The following PRKCA variants were observed in gnomAD, a reference collection of about 807,000 sequenced individuals.
PRKCA encodes protein kinase C alpha.
Under a neutral mutation model 87.0 loss-of-function variants are expected in PRKCA, and 27 were observed. That is an observed-to-expected ratio of 0.31 (90% CI 0.23 to 0.43). The LOEUF is 0.43. Among genes scored for constraint, PRKCA ranks in the 20% least tolerant of loss-of-function variants. The probability of loss-of-function intolerance (pLI) is 1.00; values close to 1 mark genes in which losing one functional copy is unlikely to be tolerated. For synonymous variants in PRKCA, 329 were observed against 311.1 expected, an observed-to-expected ratio of 1.06 and a Z score of -0.61; for missense variants, 518 against 852.3, an observed-to-expected ratio of 0.61 and a Z score of 4.88.
At chr17:66,530,682 G>A (rs1328824600) in intron 3 of PRKCA, among the ~76,000 whole-genome samples, 2 of 152,136 alleles carry the variant, frequency 1.3e-5, no homozygotes, top group Non-Finnish European at 2.9e-5. Flanking sequence ...TGAGGGAAAA[G>A]GGTGGCTCAC....
chr17:66,705,676 C>T (rs1307810755), intron 8 of PRKCA, among the ~76,000 whole-genome samples: 5 of 152,104 alleles, frequency 3.3e-5, no homozygotes, highest in Non-Finnish European at 7.4e-5. Context: ...TCCCCAGGCC[C>T]TGGTACCCAC....
At chr17:66,459,834 AT>A (rs1914766042) in intron 2 of PRKCA, among the ~76,000 whole-genome samples, 2 of 151,896 alleles carry the variant, frequency 1.3e-5, no homozygotes, top group East Asian at 1.9e-4. Flanking sequence ...TTTTATTTTT[AT>A]TTTTATTTTT....
chr17:66,634,291 T>C (rs1971096851), intron 3 of PRKCA, among the ~76,000 whole-genome samples: 1 of 152,174 alleles, frequency 6.6e-6, no homozygotes, highest in South Asian at 2.1e-4. Context: ...AAGCCTTCAT[T>C]TTTTTCTCCC....
chr17:66,304,520 G>A (rs974211403), intron 1 of PRKCA, among the ~76,000 whole-genome samples: 5 of 152,152 alleles, frequency 3.3e-5, no homozygotes, highest in Admixed American at 6.5e-5. Flanking sequence ...GCTGCACAGG[G>A]TGGCAGTCAC....
rs117963607 is a variant in PRKCA at position 66,697,043 on chromosome 17, A to T, written c.918+7996A>T. Among the ~76,000 whole-genome samples the T allele has an allele frequency of 2.0e-3, 312 of 152,240 alleles. 9 individuals are homozygous for T. The East Asian group carries it at 0.054, about 27-fold the overall frequency. ...TTAATCTGATTTTCCCCAGTCATAG[A>T]CCATCGTCATCACACCTCGCCTGTC... On this transcript the variant is annotated intron_variant, in intron 8 of 16. Transcript: ENST00000413366.
At chr17:66,713,962 C>T (rs566545981) in intron 8 of PRKCA, among the ~76,000 whole-genome samples, 10 of 152,202 alleles carry the variant, frequency 6.6e-5, no homozygotes, top group Non-Finnish European at 1.0e-4. Flanking sequence ...TAGGGGTATT[C>T]GTTTTGTGAC....
intron 2 of PRKCA, among the ~76,000 whole-genome samples, chr17:66,487,502 G>A (rs368688403): frequency 9.2e-5 from 14 of 152,262 alleles, no homozygotes; most frequent in African/African-American, 2.4e-4. Context: ...ATGTCTCATC[G>A]GTAGACTGAT....
chr17:66,467,618 C>T (rs1915141619), intron 2 of PRKCA, among the ~76,000 whole-genome samples: 1 of 152,190 alleles, frequency 6.6e-6, no homozygotes, highest in African/African-American at 2.4e-5. Context: ...AGTGCAGTGG[C>T]ACCATCTTGG....
At chr17:66,802,767 C>A (rs1450221696) in intron 16 of PRKCA, among the ~76,000 whole-genome samples, 2 of 152,220 alleles carry the variant, frequency 1.3e-5, no homozygotes, top group Admixed American at 6.5e-5. Flanking sequence ...GTGGACCCCA[C>A]TTCACAGTTA....
chr17:66,457,045 C>T (rs1914605606), intron 2 of PRKCA, among the ~76,000 whole-genome samples: 1 of 152,098 alleles, frequency 6.6e-6, no homozygotes, highest in Admixed American at 6.6e-5. Flanking sequence ...GCTGTGTGGC[C>T]ATGGGAGGGT....
At chr17:66,440,084 G>A (rs1270569790) in intron 2 of PRKCA, among the ~76,000 whole-genome samples, 2 of 152,188 alleles carry the variant, frequency 1.3e-5, no homozygotes, top group East Asian at 1.9e-4. Context: ...GTTGCTTACT[G>A]TAGGCTTTGA....
rs764698470 is a variant in PRKCA, at chr17:66,735,634, C to T, written c.1202C>T (p.Thr401Met). 7 of 1,613,998 alleles carry T rather than the reference C, an allele frequency of 4.3e-6. No individual in the cohort carries two copies. The highest frequency in any genetic ancestry group is 2.2e-5 in the South Asian group (2 of 91,076). ...LALLDKPPFL[T>M]QLHSCFQTVD... ...CTGCTTGACAAACCCCCGTTCTTGA[C>T]GCAGCTGCACTCCTGCTTCCAGACA... The change falls in exon 10 of 17, where the codon ACG becomes ATG. Residue 401 changes from threonine (T) to methionine (M), a missense_variant. Thr to Met is a moderately conservative substitution (Grantham distance 81). Coordinates refer to ENST00000413366, the MANE Select transcript of PRKCA (RefSeq NM_002737.3).
At chr17:66,781,141 G>C (rs943556093) in intron 14 of PRKCA, among the ~76,000 whole-genome samples, 1 of 152,136 alleles carries the variant, frequency 6.6e-6, no homozygotes, top group East Asian at 1.9e-4. Context: ...GCTCCAGGGA[G>C]CTTTTCTGAA....
chr17:66,467,291 G>A (rs947603718), intron 2 of PRKCA, among the ~76,000 whole-genome samples: 2 of 152,148 alleles, frequency 1.3e-5, no homozygotes, highest in African/African-American at 2.4e-5. Flanking sequence ...GATGTCAGCT[G>A]TACTCTCATT....
At chr17:66,500,710 C>T (rs72842170) in intron 3 of PRKCA, among the ~76,000 whole-genome samples, 21,252 of 152,156 alleles carry the variant, frequency 0.14, 1,792 homozygotes, top group East Asian at 0.3. Context: ...ACATTGACAG[C>T]TATTCCTTGG....
At chr17:66,777,817 A>C (rs2144347896) in intron 14 of PRKCA, 1 of 985,252 alleles carries the variant, frequency 1.0e-6, no homozygotes, top group South Asian at 4.7e-5. Context: ...ACGTGAGTAG[A>C]CTCTTGGCCA....
chr17:66,448,030 G>T (rs228882), intron 2 of PRKCA, among the ~76,000 whole-genome samples: 68,123 of 152,000 alleles, frequency 0.45, 15,696 homozygotes, highest in Middle Eastern at 0.57. Context: ...TTGGTATCTA[G>T]GAGCACTCAA....
intron 2 of PRKCA, among the ~76,000 whole-genome samples, chr17:66,338,205 G>A (rs1275966964): frequency 2.9e-4 from 44 of 152,038 alleles, no homozygotes; most frequent in Admixed American, 2.9e-3. Flanking sequence ...CACCATGCTT[G>A]AGGCTGCCAT....
chr17:66,317,925 A>G (rs1905408981), intron 2 of PRKCA, among the ~76,000 whole-genome samples: 1 of 152,344 alleles, frequency 6.6e-6, no homozygotes, highest in Admixed American at 6.5e-5. Flanking sequence ...ATTCTTAAGT[A>G]TTTACAATGT....
Sources: gnomAD v4.1 joint callset for allele counts (sites outside exome capture counted in the v4.1 genomes callset) on GRCh38, gnomAD v4.1.1 for gene constraint, MANE v1.5 for transcripts, NCBI Gene and HGNC (gene_info 2026-07-23, HGNC 2026-07-21) for gene names.